The following EEPD1 variants were observed in gnomAD, a reference collection of about 807,000 sequenced individuals.
EEPD1 encodes the protein endonuclease/exonuclease/phosphatase family domain containing 1.
EEPD1 carries 17 observed loss-of-function variants against 46.3 expected under a neutral mutation model. The observed-to-expected ratio is 0.37, with a 90% CI of 0.25 to 0.55. The LOEUF is 0.55. Ranked by LOEUF, EEPD1 falls within the 20% of genes least tolerant of loss-of-function variation. The pLI is 0.83. For synonymous variants in EEPD1, 313 were observed against 315.6 expected, an observed-to-expected ratio of 0.99 and a Z score of 0.09; for missense variants, 673 against 745.6, an observed-to-expected ratio of 0.90 and a Z score of 1.13.
intron 2 of EEPD1, among the ~76,000 whole-genome samples, chr7:36,197,548 T>G (rs1034761037): frequency 1.5e-4 from 23 of 152,212 alleles, no homozygotes; most frequent in Non-Finnish European, 1.8e-4. Context: ...CATGGGAGAC[T>G]TTTCATTTTG....
intron 2 of EEPD1, among the ~76,000 whole-genome samples, chr7:36,223,490 C>T (rs1044558325): frequency 1.2e-4 from 18 of 152,206 alleles, no homozygotes; most frequent in African/African-American, 2.4e-4. Context: ...CTCATTAGAA[C>T]GTAAGCTTCG....
intron 3 of EEPD1, among the ~76,000 whole-genome samples, chr7:36,269,385 G>A (rs1274479695): frequency 2.0e-5 from 3 of 152,204 alleles, no homozygotes; most frequent in Admixed American, 6.5e-5. Context: ...GCCAGGTGTG[G>A]TGGTTCACAA....
chr7:36,292,399 T>A (rs186307441), intron 6 of EEPD1, among the ~76,000 whole-genome samples: 1 of 151,694 alleles, frequency 6.6e-6, no homozygotes, highest in African/African-American at 2.4e-5. Flanking sequence ...CTTTTCTTTC[T>A]TTCTTTTCTT....
chr7:36,172,968 C>T (rs1294031640), intron 2 of EEPD1, among the ~76,000 whole-genome samples: 2 of 152,002 alleles, frequency 1.3e-5, no homozygotes, highest in African/African-American at 2.4e-5. Flanking sequence ...TCTGGTACTA[C>T]CTCCAGGTAG....
intron 2 of EEPD1, among the ~76,000 whole-genome samples, chr7:36,176,420 A>T (rs1206610691): frequency 6.6e-6 from 1 of 152,232 alleles, no homozygotes; most frequent in East Asian, 1.9e-4. Context: ...TAGGAAAATC[A>T]GGTCTCATGG....
chr7:36,186,507 A>G (rs1562678375), intron 2 of EEPD1, among the ~76,000 whole-genome samples: 1 of 152,226 alleles, frequency 6.6e-6, no homozygotes, highest in Non-Finnish European at 1.5e-5. Flanking sequence ...GGCTCATTCA[A>G]GGACAGCAAA....
intron 6 of EEPD1, among the ~76,000 whole-genome samples, chr7:36,294,506 A>G (rs1787492276): frequency 1.3e-5 from 2 of 152,174 alleles, no homozygotes; most frequent in African/African-American, 4.8e-5. Context: ...ACATAGGAGG[A>G]AGTGGGGGAA....
chr7:36,271,864 CTATTCTATTCTATTCTATTG>C (rs1319190982), intron 3 of EEPD1, among the ~76,000 whole-genome samples: 3,947 of 25,824 alleles, frequency 0.15, 296 homozygotes, highest in Non-Finnish European at 0.19. Flanking sequence ...CTATTCTATT[CTATTCTATTCTATTCTATTG>C]TATTCTATTC....
In EEPD1 at chr7:36,193,571, G is replaced by A. The variant is rs1410158675; in HGVS notation, c.878+38369G>A. The stretch of plus-strand genomic sequence containing the variant: ...GTGTTTTGATGGAGTGCTGCCCAGA[G>A]GTGCTGGGTCCCCTGTCCTAGGAGA... On this transcript the variant is annotated intron_variant, in intron 2 of 7. Transcript: ENST00000242108. This position sits in a 1 kb window ranked among gnomAD's most constrained non-coding sequence, Gnocchi z 4.9. Among the ~76,000 whole-genome samples the A allele has an allele frequency of 6.6e-6, 1 of 152,166 alleles. No individual in the cohort carries two copies. Among genetic ancestry groups the A allele is most frequent in the Non-Finnish European group, 1.5e-5 (1 of 68,014 alleles).
At chr7:36,219,045 A>G (rs1247854247) in intron 2 of EEPD1, among the ~76,000 whole-genome samples, 2 of 152,152 alleles carry the variant, frequency 1.3e-5, no homozygotes, top group South Asian at 4.1e-4. Context: ...CCCTGCAGAA[A>G]ATAAGAGAAA....
chr7:36,186,244 C>G (rs972467229), intron 2 of EEPD1, among the ~76,000 whole-genome samples: 3 of 152,118 alleles, frequency 2.0e-5, no homozygotes, highest in African/African-American at 7.2e-5. Context: ...CCTGCCTCTC[C>G]CTTCCTTCTG....
rs751579595 is a variant in EEPD1 at position 36,281,148 on chromosome 7, A to T, written c.964A>T (p.Asn322Tyr). Residue 322 changes from asparagine (N) to tyrosine (Y), a missense_variant, in exon 4 of 8, where the codon AAC (asparagine) becomes TAC (tyrosine). Asn to Tyr is a moderately radical substitution (Grantham distance 143). Coordinates refer to ENST00000242108, the MANE Select transcript of EEPD1 (RefSeq NM_030636.3). Reference sequence around the variant, plus strand: ...GGAGCTAAACCAGCCGACCCTGCCCAACATCCGCAAGTGGAAGGGGCCCCG... The same window carrying T: ...GGAGCTAAACCAGCCGACCCTGCCCTACATCCGCAAGTGGAAGGGGCCCCG... ...CTELNQPTLP[N>Y]IRKWKGPRGC... The T allele has an allele frequency of 6.2e-7, 1 of 1,614,170 alleles. No homozygotes were observed. Among genetic ancestry groups the T allele is most frequent in the East Asian group, 2.2e-5 (1 of 44,884 alleles).
chr7:36,268,753 C>T (rs1346424049), intron 3 of EEPD1, among the ~76,000 whole-genome samples: 1 of 152,204 alleles, frequency 6.6e-6, no homozygotes, highest in Non-Finnish European at 1.5e-5. Context: ...AGAGCACATA[C>T]AGAGACTTGC....
rs867181021 is a variant in EEPD1, at chr7:36,214,372, T to C, written c.879-24613T>C. 1.1e-4 allele frequency among the ~76,000 whole-genome samples: 17 copies of C among 152,306 alleles called. 1 individual carries two copies. In the South Asian group the frequency reaches 1.5e-3, roughly 13 times the overall value. ...GGAAGTAGCTGTCCTATTTGAGAGA[T>C]AATGTTGGGCTGTCCCATCTTGCAC... On this transcript the variant is annotated intron_variant, in intron 2 of 7. Coordinates refer to ENST00000242108, the MANE Select transcript of EEPD1 (RefSeq NM_030636.3).
rs138129704 is a variant in EEPD1, at chr7:36,220,333, G to A, written c.879-18652G>A. On this transcript the variant is annotated intron_variant, in intron 2 of 7. Coordinates refer to ENST00000242108, the MANE Select transcript of EEPD1 (RefSeq NM_030636.3). Reference sequence around the variant, plus strand: ...GAAAAACTTAAGGGGGAAGGGAAAGGCTCAAGTTCCAAGGAGAAGTCCCCA... The same window carrying A: ...GAAAAACTTAAGGGGGAAGGGAAAGACTCAAGTTCCAAGGAGAAGTCCCCA... 2.0e-5 allele frequency among the ~76,000 whole-genome samples: 3 copies of A among 152,230 alleles called. No individual in the cohort carries two copies. The East Asian group carries it at 5.8e-4, about 29-fold the overall frequency.
intron 3 of EEPD1, among the ~76,000 whole-genome samples, chr7:36,258,003 G>T (rs1046127904): frequency 6.6e-6 from 1 of 152,124 alleles, no homozygotes; most frequent in Non-Finnish European, 1.5e-5. Context: ...CTTCAGATGG[G>T]GTTTTCGTGT....
chr7:36,300,739 C>T lies in EEPD1; in HGVS notation c.*1533C>T, dbSNP rs1355029292. 6.6e-6 allele frequency: 1 copy of T among 152,192 alleles called. No homozygotes were observed. Among genetic ancestry groups the T allele is most frequent in the Non-Finnish European group, 1.5e-5 (1 of 68,036 alleles). The allele number at this position is 152,192 out of a possible 1,614,324, so 9.4% of individuals were successfully genotyped here. A position where few individuals can be genotyped will look rare whatever the true frequency, so the allele number is the denominator to read the frequency against. On this transcript the variant is annotated 3_prime_UTR_variant, in exon 8 of 8. Transcript: ENST00000242108. ...GCCATCCTTTTGGGGCCACCTGGCTCCAAGAAGCATCGCTGGTCTTGGGGA... is the reference window on the plus strand; with the variant it reads ...GCCATCCTTTTGGGGCCACCTGGCTTCAAGAAGCATCGCTGGTCTTGGGGA...
chr7:36,199,735 A>G (rs562017679), intron 2 of EEPD1, among the ~76,000 whole-genome samples: 3 of 152,262 alleles, frequency 2.0e-5, no homozygotes, highest in South Asian at 4.1e-4. Context: ...CACTGGGCAG[A>G]CTACCTTCAA....
intron 3 of EEPD1, among the ~76,000 whole-genome samples, chr7:36,272,898 C>A (rs1237195486): frequency 6.6e-6 from 1 of 152,210 alleles, no homozygotes; most frequent in Non-Finnish European, 1.5e-5. Context: ...GCATTTAGAA[C>A]AGGGCTTCCT....
Sources: gnomAD v4.1 joint callset for allele counts (sites outside exome capture counted in the v4.1 genomes callset) on GRCh38, gnomAD v4.1.1 for gene constraint, Gnocchi (gnomAD v3.1) non-coding constraint, MANE v1.5 for transcripts, NCBI Gene and HGNC (gene_info 2026-07-23, HGNC 2026-07-21) for gene names.